PLEKHH2: variants seen among roughly 807,000 people sequenced by gnomAD.
The protein encoded by PLEKHH2 is pleckstrin homology, MyTH4 and FERM domain containing H2.
PLEKHH2 carries 129 observed loss-of-function variants against 187.9 expected under a neutral mutation model. The observed-to-expected ratio is 0.69, with a 90% CI of 0.59 to 0.79. The LOEUF (loss-of-function observed/expected upper bound fraction) is 0.79, where lower values mean the gene tolerates loss of function less well. PLEKHH2 is among the 30% of genes least tolerant of loss of function. The pLI, the probability that PLEKHH2 is intolerant of heterozygous loss-of-function variation, is 0.00. For missense variants in PLEKHH2, 2,076 were observed against 1,751.2 expected, an observed-to-expected ratio of 1.19 and a Z score of -3.31; for synonymous variants, 686 against 605.6, an observed-to-expected ratio of 1.13 and a Z score of -1.95.
chr2:43,642,653 A>G, intron 1 of PLEKHH2, among the ~76,000 whole-genome samples: 1 of 152,098 alleles, frequency 6.6e-6, no homozygotes, highest in East Asian at 1.9e-4. Flanking sequence ...AGTTTCTTGA[A>G]TATTTTTATC....
At position 43,720,707 on chromosome 2, in the gene PLEKHH2, A is replaced by C. The variant is rs531447152; in HGVS notation, c.2499A>C (p.Leu833=). 1 of 1,609,212 alleles carries C rather than the reference A, an allele frequency of 6.2e-7. No homozygotes were observed. The highest frequency in any genetic ancestry group is 1.1e-5 in the South Asian group (1 of 89,764). ...ATTCCAAGAGAGTCTGGTGTACACTAATAGGAAAGACATTATATTATTTTC... is the reference window on the plus strand; with the variant it reads ...ATTCCAAGAGAGTCTGGTGTACACTCATAGGAAAGACATTATATTATTTTC... ...HGYSKRVWCT[L]IGKTLYYFRS... is the part of the protein sequence containing the mutation. The change falls in exon 16 of 30, where the codon CTA becomes CTC. Residue 833 remains leucine (L), a synonymous_variant. Transcript: ENST00000282406.
At chr2:43,736,463 A>T (rs1671299134) in intron 19 of PLEKHH2, among the ~76,000 whole-genome samples, 1 of 152,132 alleles carries the variant, frequency 6.6e-6, no homozygotes, top group Non-Finnish European at 1.5e-5. Flanking sequence ...GCAGAGAGGG[A>T]GCACCCAAAT....
chr2:43,744,239 A>C, intron 23 of PLEKHH2: 10 of 786,416 alleles, frequency 1.3e-5, no homozygotes, highest in Non-Finnish European at 1.7e-5. Context: ...TGATACTCTA[A>C]GTATTAGGAT....
At chr2:43,690,295 G>A (rs1043164440) in intron 3 of PLEKHH2, among the ~76,000 whole-genome samples, 4 of 151,932 alleles carry the variant, frequency 2.6e-5, no homozygotes, top group Non-Finnish European at 4.4e-5. Context: ...AGAATCTAAG[G>A]TAACTTAAAT....
At chr2:43,659,286 C>T (rs1666948704) in intron 2 of PLEKHH2, among the ~76,000 whole-genome samples, 2 of 151,878 alleles carry the variant, frequency 1.3e-5, no homozygotes, top group African/African-American at 4.8e-5. Flanking sequence ...CGTGAGCCAC[C>T]AAGCCTGGCA....
At chr2:43,754,435 G>T (rs1672133227) in intron 25 of PLEKHH2, among the ~76,000 whole-genome samples, 1 of 152,038 alleles carries the variant, frequency 6.6e-6, no homozygotes, top group East Asian at 1.9e-4. Flanking sequence ...ATGCTCTCCC[G>T]CACTTGAGAA....
intron 4 of PLEKHH2, 147 bp downstream of exon 4, chr2:43,692,810 G>T: frequency 1.1e-6 from 1 of 888,258 alleles, no homozygotes; most frequent in South Asian, 1.7e-5. Flanking sequence ...ACATTTATTG[G>T]TGAAAGGTGC....
intron 2 of PLEKHH2, among the ~76,000 whole-genome samples, chr2:43,655,190 A>AAAT (rs999038576): frequency 1.2e-4 from 18 of 151,634 alleles, no homozygotes; most frequent in East Asian, 3.9e-4. Flanking sequence ...AATAAAAATA[A>AAAT]AATAATAATA....
Position 43,700,592 on chromosome 2 carries a change from A to G in PLEKHH2, c.1634A>G (p.His545Arg). ...AGCAAACCTCCAACTCCTCCCCTGCACCGTTTTCCTTCTTGGGTAATTATA... is the reference window on the plus strand; with the variant it reads ...AGCAAACCTCCAACTCCTCCCCTGCGCCGTTTTCCTTCTTGGGTAATTATA... The part of the protein sequence containing the change: ...AYSKPPTPPL[H>R]RFPSWESRIY... The change falls in exon 8 of 30, where the codon CAC (histidine) becomes CGC (arginine). Residue 545 changes from histidine (H) to arginine (R), a missense_variant. By Grantham distance (29) the His-to-Arg change is conservative. Coordinates refer to ENST00000282406, the MANE Select transcript of PLEKHH2 (RefSeq NM_172069.4). 1.2e-6 allele frequency: 2 copies of G among 1,608,374 alleles called. No individual in the cohort carries two copies. Among genetic ancestry groups the G allele is most frequent in the Non-Finnish European group, 1.7e-6 (2 of 1,178,684 alleles).
In PLEKHH2 at chr2:43,763,586, A is replaced by ATTTTT. The variant is rs541418802; in HGVS notation, c.4159-627_4159-623dup. Reference sequence around the variant, plus strand: ...AAGCATGTACTACCATGCCCGGCTAATTTTTTTTTTTTTTTTTTTCATAGA... The same window carrying ATTTTT: ...AAGCATGTACTACCATGCCCGGCTAATTTTTTTTTTTTTTTTTTTTTTTTCATAGA... On this transcript the variant is annotated intron_variant, in intron 28 of 29. Transcript: ENST00000282406. Among the ~76,000 whole-genome samples, 469 of 130,354 alleles carry ATTTTT rather than the reference A, an allele frequency of 3.6e-3. 6 individuals are homozygous for ATTTTT. Among genetic ancestry groups the ATTTTT allele is most frequent in the African/African-American group, 0.013 (437 of 34,746 alleles). 85.5% of individuals were successfully genotyped at this position (130,354 alleles called of 152,430 possible). A position where few individuals can be genotyped will look rare whatever the true frequency, so the allele number is the denominator to read the frequency against.
chr2:43,682,552 C>T (rs989169233), intron 3 of PLEKHH2, among the ~76,000 whole-genome samples: 1 of 152,130 alleles, frequency 6.6e-6, no homozygotes, highest in Non-Finnish European at 1.5e-5. Flanking sequence ...TGATTTGCCC[C>T]CCTTGGCCTC....
At chr2:43,698,099 A>C (rs1202123500) in intron 7 of PLEKHH2, among the ~76,000 whole-genome samples, 1 of 152,106 alleles carries the variant, frequency 6.6e-6, no homozygotes, top group Non-Finnish European at 1.5e-5. Context: ...TTCAGCTCCA[A>C]CTTCCTTCCC....
At chr2:43,669,509 A>G (rs1667394822) in intron 2 of PLEKHH2, among the ~76,000 whole-genome samples, 1 of 152,226 alleles carries the variant, frequency 6.6e-6, no homozygotes, top group South Asian at 2.1e-4. Flanking sequence ...AATTAACCAA[A>G]AGACATTAAC....
chr2:43,653,256 A>G (rs929237251), intron 2 of PLEKHH2, among the ~76,000 whole-genome samples: 1 of 152,334 alleles, frequency 6.6e-6, no homozygotes, highest in Middle Eastern at 3.4e-3. Context: ...AACGTTTAGA[A>G]TATAGAGATC....
intron 17 of PLEKHH2, among the ~76,000 whole-genome samples, chr2:43,728,874 T>C (rs1283284661): frequency 1.2e-4 from 18 of 152,148 alleles, no homozygotes; most frequent in Admixed American, 1.2e-3. Context: ...CAATACTCTT[T>C]TTAAAATAAT....
chr2:43,690,140 TG>T lies in PLEKHH2; in HGVS notation c.187-2372del, dbSNP rs1425868612. ...AGCTACAGAATGTCGTATGTGGAAC[TG>T]GCTATAGCTATACCATCTTAAGATT... On this transcript the variant is annotated intron_variant, in intron 3 of 29. Transcript: ENST00000282406. 2.6e-5 allele frequency among the ~76,000 whole-genome samples: 4 copies of T among 152,254 alleles called. No homozygotes were observed. In the East Asian group the frequency reaches 5.8e-4, roughly 22 times the overall value.
At chr2:43,686,113 T>G (rs1283631388) in intron 3 of PLEKHH2, among the ~76,000 whole-genome samples, 2 of 151,956 alleles carry the variant, frequency 1.3e-5, no homozygotes, top group Non-Finnish European at 2.9e-5. Flanking sequence ...TTCTTCTTCT[T>G]CTTCCTCTTC....
intron 1 of PLEKHH2, among the ~76,000 whole-genome samples, chr2:43,641,802 G>C (rs578043625): frequency 1.3e-4 from 20 of 152,260 alleles, no homozygotes; most frequent in Admixed American, 3.3e-4. Context: ...ATCAATGTGA[G>C]GCTTTAATTC....
chr2:43,651,667 C>G lies in PLEKHH2; in HGVS notation c.123+6871C>G, dbSNP rs544530182. Reference sequence around the variant, plus strand: ...AAATTCTATAGCACCTGTGGTTCAACTAAAAGGGCATTAGGGAATCAGAAC... The same window carrying G: ...AAATTCTATAGCACCTGTGGTTCAAGTAAAAGGGCATTAGGGAATCAGAAC... On this transcript the variant is annotated intron_variant, in intron 2 of 29. Coordinates refer to ENST00000282406, the MANE Select transcript of PLEKHH2 (RefSeq NM_172069.4). Among the ~76,000 whole-genome samples, 15 of 152,124 alleles carry G rather than the reference C, an allele frequency of 9.9e-5. No individual in the cohort carries two copies. The South Asian group carries it at 2.3e-3, about 23-fold the overall frequency.
Sources: allele counts gnomAD v4.1 joint callset (sites outside exome capture counted in the v4.1 genomes callset), GRCh38; gene constraint gnomAD v4.1.1; transcripts MANE v1.5; gene names NCBI Gene and HGNC (gene_info 2026-07-23, HGNC 2026-07-21).